Variants in IFT80 observed in about 807,000 individuals in gnomAD.
The protein encoded by IFT80 is intraflagellar transport 80.
In IFT80, 79 loss-of-function variants were observed where a neutral mutation model predicts 107.9. The ratio of observed to expected loss-of-function variants is 0.73; its 90% CI spans 0.61 to 0.88. The LOEUF (loss-of-function observed/expected upper bound fraction) is 0.88, where lower values mean the gene tolerates loss of function less well. Among genes scored for constraint, IFT80 ranks in the 40% least tolerant of loss-of-function variants. The pLI, the probability that IFT80 is intolerant of heterozygous loss-of-function variation, is 0.00. For synonymous variants in IFT80, 299 were observed against 300.9 expected (o/e 0.99, Z 0.07); for missense variants, 797 against 914.2 (o/e 0.87, Z 1.65).
Position 160,258,634 on chromosome 3 carries a change from A to T in IFT80, c.2225T>A (p.Leu742His), listed in dbSNP as rs763284318. 10 of 1,602,184 alleles carry T rather than the reference A, an allele frequency of 6.2e-6. No homozygotes were observed. Among genetic ancestry groups the T allele is most frequent in the Admixed American group, 3.4e-5 (2 of 59,340 alleles). The change falls in exon 20 of 20, where the codon CTC becomes CAC. Residue 742 changes from leucine to histidine, a missense_variant and splice_region_variant. Coordinates refer to ENST00000326448, the MANE Select transcript of IFT80 (RefSeq NM_020800.3). ...NKRYLHYAEG[L>H]QIDWEKIKAK... ...TTTGATTTTCTCCCAATCTATTTGG[A>T]GCTGCAATAGAAAAAAAAAAGAAGA...
At position 160,264,211 on chromosome 3, in the gene IFT80, G is replaced by A. The variant is rs527742860; in HGVS notation, c.2223+4202C>T. On this transcript the variant is annotated intron_variant, in intron 19 of 19. Transcript: ENST00000326448. Reference sequence around the variant, plus strand: ...TGCAACCTCTGTCTCCTAGGCTCAAGTGATTCTCCCACCTAAGCTTCCAGA... The same window carrying A: ...TGCAACCTCTGTCTCCTAGGCTCAAATGATTCTCCCACCTAAGCTTCCAGA... 5.9e-5 allele frequency among the ~76,000 whole-genome samples: 9 copies of A among 152,012 alleles called. No homozygotes were observed. In the South Asian group the frequency reaches 1.9e-3, roughly 32 times the overall value.
chr3:160,365,968 G>A, intron 6 of IFT80, 75 bp downstream of exon 6: 1 of 1,055,190 alleles, frequency 9.5e-7, no homozygotes, highest in Non-Finnish European at 1.5e-6. Context: ...AGAAGAAAGA[G>A]ACTCCTAAGC....
chr3:160,307,802 T>A, intron 9 of IFT80, 21 bp from the exon 10 acceptor site: 1 of 1,219,442 alleles, frequency 8.2e-7, no homozygotes, highest in Non-Finnish European at 1.2e-6. Context: ...AAAAATAAAA[T>A]ACCAATAAAC....
chr3:160,309,708 A>G (rs1189656000), intron 9 of IFT80, among the ~76,000 whole-genome samples: 1 of 152,124 alleles, frequency 6.6e-6, no homozygotes, highest in East Asian at 1.9e-4. Flanking sequence ...TGCAAGATGC[A>G]GAACAGCGTG....
chr3:160,353,077 T>C (rs1001020885), intron 8 of IFT80, among the ~76,000 whole-genome samples: 5 of 152,304 alleles, frequency 3.3e-5, no homozygotes, highest in African/African-American at 9.6e-5. Flanking sequence ...TCCAAACTAT[T>C]GTGGCCATAC....
chr3:160,384,484 C>A, intron 2 of IFT80, 80 bp downstream of exon 2: 2 of 1,351,502 alleles, frequency 1.5e-6, no homozygotes, highest in South Asian at 1.6e-5. Context: ...TATTCTTCAA[C>A]TAGGATATAA....
chr3:160,304,185 T>A (rs978814602), intron 10 of IFT80, among the ~76,000 whole-genome samples, 196 bp from the exon 11 acceptor site: 1 of 152,006 alleles, frequency 6.6e-6, no homozygotes, highest in Non-Finnish European at 1.5e-5. Context: ...AAGCAGAGAC[T>A]CTGTATTCCC....
chr3:160,267,519 C>G (rs1292293619), intron 19 of IFT80, among the ~76,000 whole-genome samples: 1 of 152,168 alleles, frequency 6.6e-6, no homozygotes. Context: ...GTTCACAGAG[C>G]TGAAAGAAAG....
intron 8 of IFT80, among the ~76,000 whole-genome samples, chr3:160,347,845 T>G (rs1720406008): frequency 6.6e-6 from 1 of 152,206 alleles, no homozygotes; most frequent in South Asian, 2.1e-4. Context: ...ATTAATACTG[T>G]GATGAAAACT....
intron 8 of IFT80, among the ~76,000 whole-genome samples, chr3:160,349,749 G>A (rs1364921755): frequency 1.3e-5 from 2 of 151,720 alleles, no homozygotes; most frequent in African/African-American, 2.4e-5. Flanking sequence ...GTTTTTTTTC[G>A]AAAGAGAAAA....
chr3:160,389,329 A>G (rs1162334186), intron 1 of IFT80, among the ~76,000 whole-genome samples: 1 of 152,076 alleles, frequency 6.6e-6, no homozygotes, highest in Non-Finnish European at 1.5e-5. Flanking sequence ...AATGATTTTC[A>G]ATTTTTTATT....
chr3:160,285,737 C>T (rs531136385), intron 13 of IFT80, 67 bp downstream of exon 13: 4 of 1,035,366 alleles, frequency 3.9e-6, no homozygotes, highest in Admixed American at 2.0e-5. Context: ...AAAATGAAAA[C>T]ATTAATTTTG....
chr3:160,355,136 A>G (rs138939985), intron 8 of IFT80, among the ~76,000 whole-genome samples: 89 of 152,324 alleles, frequency 5.8e-4, no homozygotes, highest in African/African-American at 2.0e-3. Context: ...GAGCTTGGCT[A>G]TTTCCCCAGG....
intron 1 of IFT80, among the ~76,000 whole-genome samples, chr3:160,398,170 C>T (rs531884585): frequency 7.9e-5 from 12 of 152,210 alleles, no homozygotes; most frequent in African/African-American, 2.9e-4. Flanking sequence ...AGATATATCA[C>T]GATATTGAGT....
intron 8 of IFT80, among the ~76,000 whole-genome samples, chr3:160,320,834 G>C (rs961125112): frequency 4.0e-5 from 6 of 151,500 alleles, no homozygotes; most frequent in African/African-American, 1.5e-4. Flanking sequence ...TTAGCTACAG[G>C]CTCACTTTGA....
At chr3:160,262,818 G>A (rs1278035798) in intron 19 of IFT80, among the ~76,000 whole-genome samples, 2 of 151,936 alleles carry the variant, frequency 1.3e-5, no homozygotes, top group African/African-American at 4.8e-5. Context: ...TCATATTTTG[G>A]TTTCCTTCAA....
At chr3:160,331,021 T>C (rs993763492) in intron 8 of IFT80, among the ~76,000 whole-genome samples, 6 of 152,154 alleles carry the variant, frequency 3.9e-5, no homozygotes, top group Non-Finnish European at 1.5e-5. Flanking sequence ...AGATAGAAGA[T>C]TCATTTTTAC....
At chr3:160,307,522 C>T (rs568821699) in intron 10 of IFT80, 141 bp downstream of exon 10, 21 of 706,402 alleles carry the variant, frequency 3.0e-5, no homozygotes, top group Admixed American at 1.2e-4. Context: ...CTCTCACTTC[C>T]GGGTTTGAGG....
chr3:160,282,521 A>G lies in IFT80; in HGVS notation c.1473T>C (p.Thr491=), dbSNP rs144511495. The G allele has an allele frequency of 4.4e-6, 7 of 1,596,914 alleles. No homozygotes were observed. The highest frequency in any genetic ancestry group is 5.1e-6 in the Non-Finnish European group (6 of 1,167,914). The part of the protein sequence containing the change: ...FIDKNRDLCI[T]SVKRFGKEEQ... The stretch of plus-strand genomic sequence containing the variant: ...CTTCCTTCCCAAATCGTTTCACAGA[A>G]GTGATACAGAGATCTCTATTTTTAT... Residue 491 remains threonine (T), a synonymous_variant, in exon 14 of 20, where the codon ACT becomes ACC. Coordinates refer to ENST00000326448, the MANE Select transcript of IFT80 (RefSeq NM_020800.3).
Sources: gnomAD v4.1 joint callset for allele counts (sites outside exome capture counted in the v4.1 genomes callset) on GRCh38, gnomAD v4.1.1 for gene constraint, MANE v1.5 for transcripts, NCBI Gene and HGNC (gene_info 2026-07-23, HGNC 2026-07-21) for gene names.